The following PREX1 variants were observed in gnomAD, a reference collection of about 807,000 sequenced individuals.
The protein encoded by PREX1 is phosphatidylinositol-3,4,5-trisphosphate dependent Rac exchange factor 1, also known as phosphatidylinositol 3,4,5-trisphosphate-dependent Rac exchanger 1 protein.
A neutral mutation model predicts 198.3 loss-of-function variants in PREX1; 41 were observed. That is an observed-to-expected ratio of 0.21 (90% CI 0.16 to 0.27). The LOEUF is 0.27. Among genes scored for constraint, PREX1 ranks in the 10% least tolerant of loss-of-function variants. The pLI is 1.00. For synonymous variants in PREX1, 843 were observed against 887.2 expected, an observed-to-expected ratio of 0.95 and a Z score of 0.89; for missense variants, 1,620 against 2,200.7, an observed-to-expected ratio of 0.74 and a Z score of 5.28.
At chr20:48,740,766 C>T (rs371343212) in intron 3 of PREX1, among the ~76,000 whole-genome samples, 3 of 152,218 alleles carry the variant, frequency 2.0e-5, no homozygotes, top group South Asian at 2.1e-4. Flanking sequence ...ACACTGAGAA[C>T]GCTGGCTCCT....
At chr20:48,737,593 C>G (rs1029009438) in intron 3 of PREX1, among the ~76,000 whole-genome samples, 1 of 152,274 alleles carries the variant, frequency 6.6e-6, no homozygotes, top group African/African-American at 2.4e-5. Flanking sequence ...CTGGTCCCAC[C>G]CCACCCCAGG....
the PREX1 span, among the ~76,000 whole-genome samples, chr20:48,863,499 G>GC: frequency 9.7e-6 from 1 of 103,580 alleles, no homozygotes; most frequent in Non-Finnish European, 2.1e-5. Context: ...GGGTTTTTTT[G>GC]TTTTTTTTTT....
At chr20:48,656,892 C>A (rs180896581) in intron 18 of PREX1, 148 bp downstream of exon 18, 1 of 1,171,160 alleles carries the variant, frequency 8.5e-7, no homozygotes, top group Non-Finnish European at 1.2e-6. Flanking sequence ...AAACATCTGC[C>A]GAATTAATGA....
At chr20:48,732,892 G>C (rs1022445749) in intron 4 of PREX1, among the ~76,000 whole-genome samples, 1 of 151,926 alleles carries the variant, frequency 6.6e-6, no homozygotes, top group Non-Finnish European at 1.5e-5. Context: ...CCTGGAAGTA[G>C]GATGTAGTCA....
chr20:48,629,385 C>A, intron 37 of PREX1, 64 bp downstream of exon 37: 1 of 1,577,744 alleles, frequency 6.3e-7, no homozygotes, highest in African/African-American at 1.3e-5. Flanking sequence ...GCCACAGGAC[C>A]CCAAACTGAC....
chr20:48,788,709 C>T (rs944843467), intron 1 of PREX1, among the ~76,000 whole-genome samples: 3 of 152,156 alleles, frequency 2.0e-5, no homozygotes, highest in African/African-American at 4.8e-5. Flanking sequence ...AACAAATACC[C>T]GCTGTGGCAA....
the PREX1 span, among the ~76,000 whole-genome samples, chr20:48,849,245 A>G: frequency 2.0e-5 from 3 of 152,330 alleles, no homozygotes; most frequent in Middle Eastern, 3.4e-3. Flanking sequence ...ATAGATATAT[A>G]TATACATATC....
chr20:48,717,662 C>A (rs998560408), intron 5 of PREX1, among the ~76,000 whole-genome samples: 12 of 152,100 alleles, frequency 7.9e-5, no homozygotes, highest in African/African-American at 2.9e-4. Flanking sequence ...CCAATTTTAA[C>A]AATTTCAGCC....
At chr20:48,630,826 C>T (rs772462555) in intron 35 of PREX1, 32 bp from the exon 36 acceptor site, 6 of 1,472,182 alleles carry the variant, frequency 4.1e-6, no homozygotes, top group Non-Finnish European at 4.7e-6. Flanking sequence ...GAGGCGGGGG[C>T]CACCACACCC....
the PREX1 span, among the ~76,000 whole-genome samples, chr20:48,862,780 T>TAAAAAAAAA: frequency 5.7e-4 from 57 of 99,198 alleles, 2 homozygotes; most frequent in African/African-American, 2.2e-3. Context: ...TAAAAAAGCC[T>TAAAAAAAAA]AAAAAAAAAA....
At chr20:48,865,216 T>A in the PREX1 span, among the ~76,000 whole-genome samples, 1 of 152,154 alleles carries the variant, frequency 6.6e-6, no homozygotes, top group Non-Finnish European at 1.5e-5. Flanking sequence ...ACTACCAAGT[T>A]TTACAGGAAC....
chr20:48,721,649 G>A (rs1383588016), intron 5 of PREX1, among the ~76,000 whole-genome samples: 1 of 152,248 alleles, frequency 6.6e-6, no homozygotes, highest in Non-Finnish European at 1.5e-5. Context: ...TACTCGGAGT[G>A]AGCAGAGAGT....
chr20:48,761,653 CT>C (rs1031389147), intron 1 of PREX1, among the ~76,000 whole-genome samples: 2 of 152,162 alleles, frequency 1.3e-5, no homozygotes, highest in Non-Finnish European at 2.9e-5. Context: ...GAACCCAATG[CT>C]TTTCTTCACG....
intron 15 of PREX1, among the ~76,000 whole-genome samples, chr20:48,663,663 C>T (rs776116361): frequency 8.5e-5 from 13 of 152,304 alleles, no homozygotes; most frequent in African/African-American, 1.2e-4. Context: ...GCAGCTGTGA[C>T]GGAGTTTGCA....
At chr20:48,818,845 G>C (rs1474069535) in intron 1 of PREX1, among the ~76,000 whole-genome samples, 1 of 152,224 alleles carries the variant, frequency 6.6e-6, no homozygotes, top group Non-Finnish European at 1.5e-5. Context: ...TCCCAGCCCA[G>C]AGGCAGCTGC....
intron 2 of PREX1, among the ~76,000 whole-genome samples, chr20:48,747,170 G>A (rs2090112580): frequency 6.6e-6 from 1 of 152,194 alleles, no homozygotes; most frequent in Non-Finnish European, 1.5e-5. Flanking sequence ...CTATGACCGA[G>A]TCCTTTGTGT....
chr20:48,797,697 T>C (rs1370305407), intron 1 of PREX1, among the ~76,000 whole-genome samples: 2 of 152,178 alleles, frequency 1.3e-5, no homozygotes, highest in Non-Finnish European at 2.9e-5. Flanking sequence ...GAAAGCACAG[T>C]CTGGCAAAGC....
At chr20:48,878,341 CCT>C in the PREX1 span, among the ~76,000 whole-genome samples, 1 of 151,916 alleles carries the variant, frequency 6.6e-6, no homozygotes, top group Non-Finnish European at 1.5e-5. Context: ...CCAGAATTCC[CCT>C]TTTTCTTTTT....
Position 48,650,993 on chromosome 20 carries a change from G to A in PREX1, c.2718C>T (p.Ala906=), listed in dbSNP as rs748364236. The A allele has an allele frequency of 2.5e-6, 4 of 1,614,070 alleles. No individual in the cohort carries two copies. In the East Asian group the frequency reaches 8.9e-5, roughly 36 times the overall value. ...GCATGGTCACGATGGCGCTGCTCAG[G>A]GCCATGAGCCGCCTGCAGTTCTCCA... is the stretch of plus-strand genomic sequence containing the variant. ...VFVENCRRLM[A]LSSAIVTMPH... is the part of the protein sequence containing the mutation. Residue 906 remains alanine, a synonymous_variant, in exon 23 of 40, where the codon GCC becomes GCT. Transcript: ENST00000371941.
Sources: allele counts gnomAD v4.1 joint callset (sites outside exome capture counted in the v4.1 genomes callset), GRCh38; gene constraint gnomAD v4.1.1; transcripts MANE v1.5; gene names NCBI Gene and HGNC (gene_info 2026-07-23, HGNC 2026-07-21).